FABP12: variants seen among roughly 807,000 people sequenced by gnomAD.
FABP12 encodes fatty acid-binding protein 12.
Under a neutral mutation model 13.7 loss-of-function variants are expected in FABP12, and 19 were observed. The observed-to-expected ratio is 1.39, with a 90% CI of 0.97 to 2.04. The LOEUF is 2.04. Ranked by LOEUF, FABP12 falls within the 30% of genes most tolerant of loss-of-function variation. The pLI, the probability that FABP12 is intolerant of heterozygous loss-of-function variation, is 0.00. For missense variants in FABP12, 182 were observed against 164.2 expected, an observed-to-expected ratio of 1.11 and a Z score of -0.59; for synonymous variants, 61 against 57.0, an observed-to-expected ratio of 1.07 and a Z score of -0.32.
chr8:81,588,105 T>A (rs1338587692), intron 1 of FABP12, among the ~76,000 whole-genome samples: 1 of 152,124 alleles, frequency 6.6e-6, no homozygotes, highest in African/African-American at 2.4e-5. Flanking sequence ...CCCCACCCAG[T>A]TTTGAGGGTG....
chr8:81,559,268 T>C (rs972333362), intron 1 of FABP12, among the ~76,000 whole-genome samples: 1 of 152,218 alleles, frequency 6.6e-6, no homozygotes, highest in Non-Finnish European at 1.5e-5. Context: ...ATACATGCAG[T>C]TGGCTGCACA....
At chr8:81,535,550 C>T (rs1447981873), upstream of FABP12, among the ~76,000 whole-genome samples, 1 of 152,176 alleles carries the variant, frequency 6.6e-6, no homozygotes, top group African/African-American at 2.4e-5. Flanking sequence ...CTACTGAGAC[C>T]TAGACTTTGG....
intron 1 of FABP12, among the ~76,000 whole-genome samples, chr8:81,577,697 G>T (rs1810074699): frequency 6.6e-6 from 1 of 152,154 alleles, no homozygotes; most frequent in African/African-American, 2.4e-5. Flanking sequence ...GGAGGTGGAG[G>T]TTGCAGTGAG....
At chr8:81,571,406 C>T (rs139674899) in intron 1 of FABP12, among the ~76,000 whole-genome samples, 3 of 152,296 alleles carry the variant, frequency 2.0e-5, no homozygotes, top group African/African-American at 7.2e-5. Context: ...AGGATGGGGG[C>T]GGCGCAGATG....
At chr8:81,562,153 C>G (rs941642019) in intron 1 of FABP12, among the ~76,000 whole-genome samples, 1 of 152,156 alleles carries the variant, frequency 6.6e-6, no homozygotes, top group African/African-American at 2.4e-5. Flanking sequence ...ATCCCAGATG[C>G]CAGCTCCCAG....
At chr8:81,581,310 T>G (rs577129885) in intron 1 of FABP12, among the ~76,000 whole-genome samples, 2 of 152,228 alleles carry the variant, frequency 1.3e-5, no homozygotes, top group African/African-American at 4.8e-5. Context: ...TTCCTAATAT[T>G]TTTACCTGTG....
At chr8:81,558,624 G>A (rs1048497993) in intron 1 of FABP12, among the ~76,000 whole-genome samples, 5 of 152,116 alleles carry the variant, frequency 3.3e-5, no homozygotes, top group African/African-American at 1.2e-4. Context: ...GGGCGCGGTG[G>A]CTCGTGCCTG....
At chr8:81,577,017 T>C (rs1810059881) in intron 1 of FABP12, among the ~76,000 whole-genome samples, 1 of 152,238 alleles carries the variant, frequency 6.6e-6, no homozygotes, top group South Asian at 2.1e-4. Flanking sequence ...CATTTGAGCA[T>C]CCCTAATAAC....
intron 1 of FABP12, among the ~76,000 whole-genome samples, chr8:81,588,491 A>G (rs913390666): frequency 6.6e-6 from 1 of 152,178 alleles, no homozygotes; most frequent in Non-Finnish European, 1.5e-5. Flanking sequence ...TGATTTTTGT[A>G]TGTTAATTTT....
chr8:81,556,204 C>G (rs1809612782), intron 1 of FABP12, among the ~76,000 whole-genome samples: 1 of 152,204 alleles, frequency 6.6e-6, no homozygotes, highest in Non-Finnish European at 1.5e-5. Flanking sequence ...GGATGGAAAG[C>G]CGGCAGGAAT....
At chr8:81,525,236 C>A in intron 4 of FABP12, 116 bp from the exon 5 acceptor site, 1 of 700,342 alleles carries the variant, frequency 1.4e-6, no homozygotes, top group Non-Finnish European at 2.3e-6. Context: ...GAAAGAGAGG[C>A]CGGGCGCGGT....
chr8:81,525,129 C>T lies in FABP12; in HGVS notation c.349-9G>A, dbSNP rs954752867. 2.6e-6 allele frequency: 4 copies of T among 1,546,388 alleles called. No individual in the cohort carries two copies. The highest frequency in any genetic ancestry group is 3.5e-6 in the Non-Finnish European group (4 of 1,132,014). On this transcript the variant is annotated splice_polypyrimidine_tract_variant and intron_variant, in intron 4 of 4. Coordinates refer to ENST00000360464, the Ensembl canonical transcript of FABP12. ...CTGTTCACAGTACTTTCCTACAAGA[C>T]AAAAGAAATATGAGGTATTTCAGTA... is the stretch of plus-strand genomic sequence containing the variant.
intron 1 of FABP12, among the ~76,000 whole-genome samples, chr8:81,574,871 T>C (rs577442637): frequency 3.3e-5 from 5 of 152,234 alleles, no homozygotes; most frequent in Non-Finnish European, 5.9e-5. Flanking sequence ...TAATGGTCTA[T>C]CAATTTTATT....
chr8:81,525,170 A>T, intron 4 of FABP12, 50 bp from the exon 5 acceptor site: 1 of 1,250,252 alleles, frequency 8.0e-7, no homozygotes, highest in South Asian at 1.3e-5. Flanking sequence ...AGTGAAATTA[A>T]CATTTAGAAA....
At chr8:81,551,891 A>G (rs1809528756) in intron 1 of FABP12, among the ~76,000 whole-genome samples, 1 of 152,116 alleles carries the variant, frequency 6.6e-6, no homozygotes, top group Non-Finnish European at 1.5e-5. Context: ...TCATTCATTC[A>G]TGTATTAATC....
chr8:81,541,348 T>G (rs1809335520), intron 1 of FABP12, among the ~76,000 whole-genome samples: 1 of 152,156 alleles, frequency 6.6e-6, no homozygotes, highest in Non-Finnish European at 1.5e-5. Flanking sequence ...TGTTTAAACA[T>G]ACAATAAAAT....
intron 1 of FABP12, among the ~76,000 whole-genome samples, chr8:81,559,310 C>A (rs396738): frequency 0.39 from 59,361 of 152,100 alleles, 13,265 homozygotes; most frequent in African/African-American, 0.62. Context: ...TATGCCCCCC[C>A]GAGTTGTTAG....
intron 1 of FABP12, among the ~76,000 whole-genome samples, chr8:81,546,530 G>A (rs796251779): frequency 1.3e-4 from 19 of 151,996 alleles, no homozygotes; most frequent in African/African-American, 4.6e-4. Flanking sequence ...GGGTGTGGTG[G>A]CGGGCGCCTA....
intron 1 of FABP12, among the ~76,000 whole-genome samples, chr8:81,588,194 C>T (rs1352311684): frequency 6.6e-6 from 1 of 152,192 alleles, no homozygotes; most frequent in Non-Finnish European, 1.5e-5. Flanking sequence ...AGGAACAATA[C>T]TTTGCATCCT....
Sources: allele counts gnomAD v4.1 joint callset (sites outside exome capture counted in the v4.1 genomes callset), GRCh38; gene constraint gnomAD v4.1.1; transcripts MANE v1.5; gene names NCBI Gene and HGNC (gene_info 2026-07-23, HGNC 2026-07-21).